FMNL2: variants seen among roughly 807,000 people sequenced by gnomAD.
FMNL2 encodes formin like 2, also known as formin-like protein 2.
Under a neutral mutation model 130.2 loss-of-function variants are expected in FMNL2, and 51 were observed. The ratio of observed to expected loss-of-function variants is 0.39; its 90% CI spans 0.31 to 0.49. The LOEUF (loss-of-function observed/expected upper bound fraction) is 0.49. FMNL2 is among the 20% of genes least tolerant of loss of function. FMNL2 has a pLI of 0.85. For synonymous variants in FMNL2, 465 were observed against 467.1 expected (o/e 1.00, Z 0.06); for missense variants, 977 against 1,316.2 (o/e 0.74, Z 3.99).
chr2:152,412,348 G>A (rs994282745), intron 1 of FMNL2, among the ~76,000 whole-genome samples: 26 of 150,700 alleles, frequency 1.7e-4, no homozygotes, highest in Admixed American at 2.6e-4. Context: ...TGCAGTTTAT[G>A]TATGAATTTT....
intron 1 of FMNL2, among the ~76,000 whole-genome samples, chr2:152,418,697 C>T (rs2106032055): frequency 6.6e-6 from 1 of 152,250 alleles, no homozygotes; most frequent in Admixed American, 6.5e-5. Context: ...TTTTGTTTAT[C>T]TATGCATCTA....
chr2:152,387,988 G>A (rs943054763), intron 1 of FMNL2, among the ~76,000 whole-genome samples: 1 of 151,972 alleles, frequency 6.6e-6, no homozygotes, highest in Non-Finnish European at 1.5e-5. Flanking sequence ...TCTGTCCTTT[G>A]TTGAAAGGCT....
chr2:152,378,245 A>G (rs1328112290), intron 1 of FMNL2, among the ~76,000 whole-genome samples: 2 of 152,220 alleles, frequency 1.3e-5, no homozygotes, highest in African/African-American at 4.8e-5. Flanking sequence ...ATATGCAAGT[A>G]TCTTTTTAAG....
chr2:152,340,287 C>G (rs780532489), intron 1 of FMNL2, among the ~76,000 whole-genome samples: 10 of 152,186 alleles, frequency 6.6e-5, no homozygotes, highest in Non-Finnish European at 1.2e-4. Flanking sequence ...CTCCCCCTGG[C>G]CTTTCTTTTA....
At chr2:152,545,692 AG>A (rs1379233230) in intron 3 of FMNL2, among the ~76,000 whole-genome samples, 1 of 152,078 alleles carries the variant, frequency 6.6e-6, no homozygotes, top group Non-Finnish European at 1.5e-5. Flanking sequence ...CTTGATGGGG[AG>A]GGAAGGGAGA....
intron 1 of FMNL2, among the ~76,000 whole-genome samples, chr2:152,505,704 C>T (rs1199921385): frequency 6.6e-6 from 1 of 152,232 alleles, no homozygotes; most frequent in Non-Finnish European, 1.5e-5. Flanking sequence ...TACTAAGGGT[C>T]ATCGGGCTCC....
intron 1 of FMNL2, among the ~76,000 whole-genome samples, chr2:152,486,681 G>A (rs2105261925): frequency 6.6e-6 from 1 of 152,284 alleles, no homozygotes; most frequent in South Asian, 2.1e-4. Flanking sequence ...TGTTATTCAG[G>A]CTTTACTTTC....
In FMNL2 at chr2:152,560,980, C is replaced by T; in HGVS notation, c.541C>T (p.Leu181=). ...SIEDLHRGSN[L]PSPVGNSVSR... ...CGAGGACCTGCACAGAGGGAGCAAC[C>T]TGCCCTCACCTGTGGGCAACAGTGT... Residue 181 remains leucine, a synonymous_variant, in exon 6 of 26, where the codon CTG becomes TTG. Transcript: ENST00000288670. 1.2e-6 allele frequency: 2 copies of T among 1,606,164 alleles called. No homozygotes were observed. The highest frequency in any genetic ancestry group is 1.7e-6 in the Non-Finnish European group (2 of 1,176,176).
intron 1 of FMNL2, among the ~76,000 whole-genome samples, chr2:152,381,864 G>A (rs1684486407): frequency 6.6e-6 from 1 of 151,286 alleles, no homozygotes; most frequent in African/African-American, 2.4e-5. Flanking sequence ...CTGGAGTACA[G>A]TAGCACAATC....
chr2:152,335,688 G>A lies in FMNL2; in HGVS notation c.85G>A (p.Gly29Ser), dbSNP rs1041277065. 5 of 1,587,970 alleles carry A rather than the reference G, an allele frequency of 3.1e-6. No homozygotes were observed. Among genetic ancestry groups the A allele is most frequent in the Admixed American group, 1.7e-5 (1 of 57,816 alleles). The part of the protein sequence containing the change: ...VPLKLPMPEP[G>S]ELEERFAIVL... ...TTTGAAGCTGCCGATGCCAGAGCCA[G>A]GTGAACTGGAGGAGCGATTTGCCAT... The change falls in exon 1 of 26, where the codon GGT becomes AGT. Residue 29 changes from glycine to serine, a missense_variant. By Grantham distance (56) the Gly-to-Ser change is moderately conservative (BLOSUM62 0). Transcript: ENST00000288670.
chr2:152,400,789 A>G (rs374293634), intron 1 of FMNL2, among the ~76,000 whole-genome samples: 86 of 152,286 alleles, frequency 5.6e-4, no homozygotes, highest in African/African-American at 1.9e-3. Flanking sequence ...CCTCTTCCCA[A>G]TTATGTCAAC....
intron 1 of FMNL2, among the ~76,000 whole-genome samples, chr2:152,349,073 G>C (rs1343747893): frequency 2.0e-5 from 3 of 150,232 alleles, no homozygotes; most frequent in Non-Finnish European, 4.4e-5. Context: ...CTGACCTCAT[G>C]ATCCACCCGC....
intron 1 of FMNL2, among the ~76,000 whole-genome samples, chr2:152,495,319 G>T (rs1691444229): frequency 6.6e-6 from 1 of 152,102 alleles, no homozygotes; most frequent in African/African-American, 2.4e-5. Flanking sequence ...ATTCTACGTA[G>T]ATCATATTAT....
intron 8 of FMNL2, among the ~76,000 whole-genome samples, chr2:152,580,031 A>G (rs1669793060): frequency 6.6e-6 from 1 of 152,242 alleles, no homozygotes; most frequent in African/African-American, 2.4e-5. Context: ...TTATTCTTTC[A>G]AACTTCCCCT....
chr2:152,616,225 A>C (rs1698937355), intron 12 of FMNL2, among the ~76,000 whole-genome samples: 1 of 152,012 alleles, frequency 6.6e-6, no homozygotes, highest in Non-Finnish European at 1.5e-5. Flanking sequence ...CTGAAGCCTC[A>C]GCCAACATTG....
At chr2:152,417,327 G>C (rs986309733) in intron 1 of FMNL2, among the ~76,000 whole-genome samples, 56 of 152,148 alleles carry the variant, frequency 3.7e-4, no homozygotes, top group African/African-American at 1.3e-3. Context: ...AAACTTCACG[G>C]TTCTGGTTTA....
intron 2 of FMNL2, among the ~76,000 whole-genome samples, chr2:152,526,499 C>T (rs1293608933): frequency 6.6e-6 from 1 of 152,180 alleles, no homozygotes; most frequent in Non-Finnish European, 1.5e-5. Context: ...TCTGGCTTCT[C>T]ACTCCCAGCT....
chr2:152,504,045 G>A (rs113964034), intron 1 of FMNL2, among the ~76,000 whole-genome samples: 11,225 of 152,240 alleles, frequency 0.074, 670 homozygotes, highest in Admixed American at 0.21. Flanking sequence ...ACAAAAATTA[G>A]CCGGGCGTGG....
chr2:152,638,275 T>C (rs943896039), intron 23 of FMNL2, among the ~76,000 whole-genome samples: 4 of 152,186 alleles, frequency 2.6e-5, no homozygotes, highest in African/African-American at 9.6e-5. Context: ...CAAAGAGACA[T>C]GTATCAGAAG....
Sources: allele counts gnomAD v4.1 joint callset (sites outside exome capture counted in the v4.1 genomes callset), GRCh38; gene constraint gnomAD v4.1.1; transcripts MANE v1.5; gene names NCBI Gene and HGNC (gene_info 2026-07-23, HGNC 2026-07-21).